Variants in SPATA1 observed in about 807,000 individuals in gnomAD.
SPATA1 encodes spermatogenesis-associated protein 1.
In SPATA1, 57 loss-of-function variants were observed where a neutral mutation model predicts 59.6. The observed-to-expected ratio is 0.96, with a 90% CI of 0.77 to 1.19. The LOEUF is 1.19. Among genes scored for constraint, SPATA1 ranks in the 50% most tolerant of loss-of-function variants. The pLI is 0.00. For synonymous variants in SPATA1, 147 were observed against 163.9 expected, an observed-to-expected ratio of 0.90 and a Z score of 0.79; for missense variants, 448 against 480.7, an observed-to-expected ratio of 0.93 and a Z score of 0.64.
intron 4 of SPATA1, among the ~76,000 whole-genome samples, chr1:84,560,460 T>C (rs1232268219): frequency 2.0e-5 from 3 of 152,212 alleles, no homozygotes; most frequent in African/African-American, 4.8e-5. Context: ...CTGTCCATAC[T>C]TCGTTGAACC....
chr1:84,522,339 A>T lies in SPATA1; in HGVS notation c.144-51A>T, dbSNP rs573389412. 35 of 1,084,188 alleles carry T rather than the reference A, an allele frequency of 3.2e-5. No homozygotes were observed. The African/African-American group carries it at 5.0e-4, about 16-fold the overall frequency. 67.2% of individuals were successfully genotyped at this position (1,084,188 alleles called of 1,614,324 possible). A position where few individuals can be genotyped will look rare whatever the true frequency, so the allele number is the denominator to read the frequency against. On this transcript the variant is annotated intron_variant, in intron 3 of 12. Coordinates refer to ENST00000490879, the Ensembl canonical transcript of SPATA1. Reference sequence around the variant, plus strand: ...ACTAAAGTTATTGAATCATTAGTATATCCAAAATCTATTTCATTTTATATT... The same window carrying T: ...ACTAAAGTTATTGAATCATTAGTATTTCCAAAATCTATTTCATTTTATATT...
intron 9 of SPATA1, 120 bp from the exon 10 acceptor site, chr1:84,545,514 T>G: frequency 8.6e-7 from 1 of 1,160,002 alleles, no homozygotes; most frequent in Non-Finnish European, 1.2e-6. Flanking sequence ...AGAAAAACAG[T>G]TTGGGATAAA....
intron 2 of SPATA1, among the ~76,000 whole-genome samples, chr1:84,519,674 T>A (rs1466780119): frequency 6.6e-6 from 1 of 152,128 alleles, no homozygotes; most frequent in East Asian, 1.9e-4. Flanking sequence ...TTTAAATTGT[T>A]AGTTAATAAT....
chr1:84,553,077 G>A (rs1402592730), exon 13 of SPATA1: 1 of 1,525,142 alleles, frequency 6.6e-7, no homozygotes, highest in South Asian at 1.3e-5. Context: ...ATTGAAAACT[G>A]AACTGGCACA....
intron 6 of SPATA1, among the ~76,000 whole-genome samples, chr1:84,529,617 C>CT (rs1429432552): frequency 3.3e-5 from 4 of 122,272 alleles, no homozygotes; most frequent in Non-Finnish European, 6.4e-5. Context: ...GAGTCTCGCT[C>CT]TGTTGCCAGG....
At chr1:84,563,237 T>C (rs767075612) in intron 4 of SPATA1, 23 of 1,425,744 alleles carry the variant, frequency 1.6e-5, no homozygotes, top group Non-Finnish European at 2.1e-5. Context: ...TAAATGCTCA[T>C]AACTTACGAA....
At chr1:84,544,534 TAAA>T (rs1248531609) in intron 9 of SPATA1, among the ~76,000 whole-genome samples, 1 of 152,060 alleles carries the variant, frequency 6.6e-6, no homozygotes, top group Non-Finnish European at 1.5e-5. Flanking sequence ...TCTACAACAA[TAAA>T]AAAGTTAAAT....
intron 6 of SPATA1, among the ~76,000 whole-genome samples, chr1:84,526,294 A>C (rs1683220800): frequency 6.6e-6 from 1 of 152,252 alleles, no homozygotes; most frequent in Non-Finnish European, 1.5e-5. Flanking sequence ...AAATCAAAAT[A>C]GTTACAGCAC....
exon 2 of SPATA1, chr1:84,516,320 A>C (rs1682791137): frequency 2.7e-6 from 4 of 1,489,348 alleles, no homozygotes; most frequent in Non-Finnish European, 3.6e-6. Flanking sequence ...AAAGAAACAA[A>C]ATTCCAATTG....
intron 4 of SPATA1, among the ~76,000 whole-genome samples, chr1:84,562,622 A>G (rs1471103810): frequency 6.6e-6 from 1 of 152,060 alleles, no homozygotes; most frequent in Non-Finnish European, 1.5e-5. Flanking sequence ...ATAATGCTAA[A>G]GGTAAATTAT....
chr1:84,516,525 T>C lies in SPATA1; in HGVS notation c.36+130T>C, dbSNP rs1459215871. ...TGACTCCACCATGATCCCAACTTCA[T>C]GTATCCCATTGCCTGATTACACTTC... On this transcript the variant is annotated intron_variant, in intron 2 of 12. Transcript: ENST00000490879. 8 of 583,398 alleles carry C rather than the reference T, an allele frequency of 1.4e-5. No individual in the cohort carries two copies. The Admixed American group carries it at 3.2e-4, about 23-fold the overall frequency. The allele number at this position is 583,398 out of a possible 1,614,324, so 36.1% of individuals were successfully genotyped here.
At chr1:84,508,206 C>T (rs1257180964) in intron 1 of SPATA1, among the ~76,000 whole-genome samples, 1 of 151,950 alleles carries the variant, frequency 6.6e-6, no homozygotes, top group Non-Finnish European at 1.5e-5. Flanking sequence ...TTCGCTTGAA[C>T]CTGGGAGGCA....
chr1:84,550,922 T>G lies in SPATA1; in HGVS notation c.1224+392T>G, dbSNP rs35859116. The G allele has an allele frequency of 6.8e-3, 6,678 of 978,262 alleles. 27 individuals are homozygous for G. The highest frequency in any genetic ancestry group is 7.4e-3 in the Non-Finnish European group (6,074 of 823,444). 60.6% of individuals were successfully genotyped at this position (978,262 alleles called of 1,614,324 possible). A position where few individuals can be genotyped will look rare whatever the true frequency, so the allele number is the denominator to read the frequency against. On this transcript the variant is annotated intron_variant, in intron 12 of 12. Coordinates refer to ENST00000490879, the Ensembl canonical transcript of SPATA1. ...TGGGTAATCGTTTCATTTTTTCTGG[T>G]TATTTTCATATGTATTCTATTATTT...
exon 11 of SPATA1, chr1:84,548,805 A>G: frequency 6.7e-7 from 1 of 1,499,410 alleles, no homozygotes; most frequent in South Asian, 1.3e-5. Flanking sequence ...GTTGGAAGAA[A>G]AAATACTTGG....
At chr1:84,517,991 C>T (rs917055482) in intron 2 of SPATA1, among the ~76,000 whole-genome samples, 3 of 151,794 alleles carry the variant, frequency 2.0e-5, no homozygotes, top group South Asian at 4.2e-4. Flanking sequence ...ATATTATTGC[C>T]GCAAGTAGTA....
chr1:84,547,104 C>G (rs1211500358), intron 10 of SPATA1, among the ~76,000 whole-genome samples: 1 of 152,204 alleles, frequency 6.6e-6, no homozygotes, highest in Non-Finnish European at 1.5e-5. Context: ...GGAGATACTT[C>G]TCAAGATTCT....
At chr1:84,557,327 G>GT (rs1475762685), downstream of SPATA1, among the ~76,000 whole-genome samples, 3 of 152,070 alleles carry the variant, frequency 2.0e-5, no homozygotes, top group Non-Finnish European at 2.9e-5. Flanking sequence ...GAGGTCAGGA[G>GT]TTCAAGACCA....
chr1:84,527,376 A>C (rs1444483942), intron 6 of SPATA1, among the ~76,000 whole-genome samples: 1 of 152,096 alleles, frequency 6.6e-6, no homozygotes, highest in Non-Finnish European at 1.5e-5. Context: ...CATTTTTAAA[A>C]GTTCTAGAAA....
chr1:84,533,084 T>G, intron 7 of SPATA1, 110 bp downstream of exon 7: 1 of 659,902 alleles, frequency 1.5e-6, no homozygotes. Context: ...ATGAGTGAAA[T>G]TAGTGATATT....
Sources: allele counts gnomAD v4.1 joint callset (sites outside exome capture counted in the v4.1 genomes callset), GRCh38; gene constraint gnomAD v4.1.1; transcripts MANE v1.5; gene names NCBI Gene and HGNC (gene_info 2026-07-23, HGNC 2026-07-21).